LRMDA: variants seen among roughly 807,000 people sequenced by gnomAD.
The protein encoded by LRMDA is leucine rich melanocyte differentiation associated.
In LRMDA, 18 loss-of-function variants were observed where a neutral mutation model predicts 29.8. The observed-to-expected ratio is 0.60, with a 90% CI of 0.42 to 0.90. LRMDA has a LOEUF of 0.90. LRMDA is among the 40% of genes least tolerant of loss of function. The pLI, the probability that LRMDA is intolerant of heterozygous loss-of-function variation, is 0.00. For synonymous variants in LRMDA, 125 were observed against 109.4 expected, an observed-to-expected ratio of 1.14 and a Z score of -0.89; for missense variants, 273 against 273.9, an observed-to-expected ratio of 1.00 and a Z score of 0.02.
At chr10:76,059,718 G>T in intron 5 of LRMDA, among the ~76,000 whole-genome samples, 1 of 152,264 alleles carries the variant, frequency 6.6e-6, no homozygotes, top group East Asian at 1.9e-4. Flanking sequence ...TTAAAGGGGG[G>T]AAAGAAAAAA....
chr10:75,868,777 C>CCT (rs144888884), intron 2 of LRMDA, among the ~76,000 whole-genome samples: 1 of 152,160 alleles, frequency 6.6e-6, no homozygotes, highest in Middle Eastern at 3.4e-3. Flanking sequence ...GCCCCGCCCT[C>CCT]CTCTCTCTCT....
intron 5 of LRMDA, among the ~76,000 whole-genome samples, chr10:76,104,802 C>T (rs138830829): frequency 0.012 from 1,867 of 152,020 alleles, 37 homozygotes; most frequent in African/African-American, 0.042. Flanking sequence ...CCATATGGAA[C>T]CCCCCTCTGG....
chr10:76,387,692 G>A (rs1268472388), intron 6 of LRMDA, among the ~76,000 whole-genome samples: 1 of 151,876 alleles, frequency 6.6e-6, no homozygotes, highest in Non-Finnish European at 1.5e-5. Flanking sequence ...AATTTTTTAA[G>A]TGAAAGCAAG....
In LRMDA at chr10:75,757,786, A is replaced by G. The variant is rs1843050317; in HGVS notation, c.132-278222A>G. 2.0e-5 allele frequency among the ~76,000 whole-genome samples: 3 copies of G among 151,608 alleles called. No homozygotes were observed. In the South Asian group the frequency reaches 6.2e-4, roughly 32 times the overall value. On this transcript the variant is annotated intron_variant, in intron 2 of 6. Transcript: ENST00000611255. ...TAAAGTTTGTAGGGCAGATTTGCAG[A>G]CAATTTTCTTTCTTTTTTTTTTTTT...
chr10:75,564,509 G>T, intron 2 of LRMDA, among the ~76,000 whole-genome samples: 1 of 152,330 alleles, frequency 6.6e-6, no homozygotes, highest in African/African-American at 2.4e-5. Context: ...GCCTCATCCT[G>T]CTTCAGCGCG....
chr10:75,874,699 T>C (rs1189479751), intron 2 of LRMDA, among the ~76,000 whole-genome samples: 1 of 152,188 alleles, frequency 6.6e-6, no homozygotes, highest in East Asian at 1.9e-4. Context: ...CTGTAAACTG[T>C]TGGCAACATT....
At chr10:75,830,810 C>T (rs956277749) in intron 2 of LRMDA, among the ~76,000 whole-genome samples, 3 of 152,176 alleles carry the variant, frequency 2.0e-5, no homozygotes, top group African/African-American at 7.2e-5. Context: ...CAACAGTCCC[C>T]CAAAGTCTTA....
At chr10:76,151,540 G>A (rs1850444920) in intron 5 of LRMDA, among the ~76,000 whole-genome samples, 2 of 152,238 alleles carry the variant, frequency 1.3e-5, no homozygotes, top group Middle Eastern at 3.4e-3. Context: ...CATATCAGGG[G>A]CCAAACAGAT....
rs191472328 is a variant in LRMDA, at chr10:75,757,617, G to A, written c.132-278391G>A. Among the ~76,000 whole-genome samples, 297 of 152,176 alleles carry A rather than the reference G, an allele frequency of 2.0e-3. 1 individual carries two copies. The highest frequency in any genetic ancestry group is 3.3e-3 in the Non-Finnish European group (224 of 68,008). On this transcript the variant is annotated intron_variant, in intron 2 of 6. Transcript: ENST00000611255. Reference sequence around the variant, plus strand: ...TTTTCCGTCTTTTAAAAAAATGGGTGCAATGAGATCATAGTGGAACTGCTT... The same window carrying A: ...TTTTCCGTCTTTTAAAAAAATGGGTACAATGAGATCATAGTGGAACTGCTT...
intron 2 of LRMDA, among the ~76,000 whole-genome samples, chr10:75,796,535 G>GAGCA (rs1843656265): frequency 6.6e-6 from 1 of 152,124 alleles, no homozygotes; most frequent in African/African-American, 2.4e-5. Context: ...TGGTCATCAT[G>GAGCA]TGTTATCCTT....
At chr10:76,048,871 G>A (rs1283909678) in intron 4 of LRMDA, among the ~76,000 whole-genome samples, 1 of 152,072 alleles carries the variant, frequency 6.6e-6, no homozygotes, top group Non-Finnish European at 1.5e-5. Context: ...CTTGACTCTT[G>A]AAGCCTCATC....
chr10:75,755,820 C>T (rs1043899380), intron 2 of LRMDA, among the ~76,000 whole-genome samples: 5 of 152,206 alleles, frequency 3.3e-5, no homozygotes, highest in African/African-American at 7.2e-5. Flanking sequence ...GGGTCAGCGA[C>T]GTGCCTGGGG....
intron 6 of LRMDA, among the ~76,000 whole-genome samples, chr10:76,397,959 T>G (rs1432979650): frequency 6.6e-6 from 1 of 152,218 alleles, no homozygotes; most frequent in Non-Finnish European, 1.5e-5. Flanking sequence ...AGTCCAACCC[T>G]TTTATTACAA....
chr10:76,020,770 C>A (rs1230626403), intron 2 of LRMDA, among the ~76,000 whole-genome samples: 1 of 152,208 alleles, frequency 6.6e-6, no homozygotes, highest in African/African-American at 2.4e-5. Context: ...TTCAGAAAAC[C>A]TGAAAAGAAT....
chr10:76,285,468 A>G (rs1840260766), intron 5 of LRMDA, among the ~76,000 whole-genome samples: 1 of 152,046 alleles, frequency 6.6e-6, no homozygotes, highest in African/African-American at 2.4e-5. Context: ...CTTTATCCTG[A>G]TAGCAGGAAG....
intron 2 of LRMDA, among the ~76,000 whole-genome samples, chr10:75,538,324 G>A (rs972649188): frequency 3.3e-5 from 5 of 152,158 alleles, no homozygotes; most frequent in Admixed American, 2.0e-4. Context: ...AGTCCCTGCA[G>A]CAGTACTTGA....
chr10:76,453,518 G>T (rs1428338979), intron 6 of LRMDA, among the ~76,000 whole-genome samples: 5 of 152,164 alleles, frequency 3.3e-5, no homozygotes, highest in African/African-American at 1.2e-4. Flanking sequence ...TTAGAGGAAT[G>T]ATCTGAACAA....
chr10:76,086,213 T>G (rs1849132737), intron 5 of LRMDA, among the ~76,000 whole-genome samples: 1 of 152,214 alleles, frequency 6.6e-6, no homozygotes, highest in African/African-American at 2.4e-5. Context: ...TGAGTTTAAC[T>G]GGAGCACCCC....
chr10:76,274,288 TTAAA>T (rs1840102719), intron 5 of LRMDA, among the ~76,000 whole-genome samples: 1 of 152,182 alleles, frequency 6.6e-6, no homozygotes, highest in South Asian at 2.1e-4. Flanking sequence ...ATTGGAAGAA[TTAAA>T]TAAATGAGTT....
Sources: allele counts gnomAD v4.1 joint callset (sites outside exome capture counted in the v4.1 genomes callset), GRCh38; gene constraint gnomAD v4.1.1; transcripts MANE v1.5; gene names NCBI Gene and HGNC (gene_info 2026-07-23, HGNC 2026-07-21).